Variants in CNTNAP2 observed in about 807,000 individuals in gnomAD.
CNTNAP2 encodes contactin-associated protein-like 2.
In CNTNAP2, 98 loss-of-function variants were observed where a neutral mutation model predicts 155.2. The observed-to-expected ratio is 0.63, with a 90% confidence interval of 0.54 to 0.75. The LOEUF is 0.75. CNTNAP2 is among the 30% of genes least tolerant of loss of function. The pLI is 0.00. For synonymous variants in CNTNAP2, 651 were observed against 631.2 expected, an observed-to-expected ratio of 1.03 and a Z score of -0.47; for missense variants, 1,727 against 1,688.1, an observed-to-expected ratio of 1.02 and a Z score of -0.40.
At chr7:146,782,724 T>A (rs2129187440) in intron 2 of CNTNAP2, among the ~76,000 whole-genome samples, 1 of 152,246 alleles carries the variant, frequency 6.6e-6, no homozygotes, top group Admixed American at 6.5e-5. Context: ...ATAAAATCAG[T>A]TATACTGTTT....
intron 9 of CNTNAP2, among the ~76,000 whole-genome samples, chr7:147,331,036 A>G (rs58801670): frequency 0.027 from 4,170 of 152,256 alleles, 214 homozygotes; most frequent in African/African-American, 0.096. Flanking sequence ...TAAACTGCTC[A>G]TACAACTAGG....
At chr7:146,587,086 A>C (rs533333098) in intron 1 of CNTNAP2, among the ~76,000 whole-genome samples, 1 of 152,026 alleles carries the variant, frequency 6.6e-6, no homozygotes, top group South Asian at 2.1e-4. Context: ...TTACATTTTA[A>C]AGTCATATGA....
At chr7:146,506,949 C>A (rs765487492) in intron 1 of CNTNAP2, among the ~76,000 whole-genome samples, 3 of 152,104 alleles carry the variant, frequency 2.0e-5, no homozygotes, top group Non-Finnish European at 4.4e-5. Flanking sequence ...TGTTTAGGGG[C>A]GCCTCAGGCT....
chr7:147,775,310 A>AAT (rs1162945690), intron 13 of CNTNAP2, among the ~76,000 whole-genome samples: 7 of 47,584 alleles, frequency 1.5e-4, no homozygotes, highest in South Asian at 1.2e-3. Context: ...TATATTTATA[A>AAT]ATATATATAT....
intron 22 of CNTNAP2, among the ~76,000 whole-genome samples, chr7:148,396,025 A>C (rs1179101777): frequency 6.6e-6 from 1 of 151,486 alleles, no homozygotes; most frequent in South Asian, 2.1e-4. Context: ...CCCCCACCCC[A>C]CCTGGCATGG....
At chr7:146,126,216 T>G (rs1725714722) in intron 1 of CNTNAP2, among the ~76,000 whole-genome samples, 1 of 152,188 alleles carries the variant, frequency 6.6e-6, no homozygotes, top group Non-Finnish European at 1.5e-5. Context: ...ACTAAGAAGT[T>G]TCAGCTTACA....
chr7:146,947,855 A>G (rs1253586819), intron 3 of CNTNAP2, among the ~76,000 whole-genome samples: 1 of 151,972 alleles, frequency 6.6e-6, no homozygotes, highest in African/African-American at 2.4e-5. Context: ...ACAGCGAGCT[A>G]TAATGGTGCC....
chr7:147,925,277 C>T (rs2116788671), intron 14 of CNTNAP2, among the ~76,000 whole-genome samples: 1 of 127,538 alleles, frequency 7.8e-6, no homozygotes, highest in South Asian at 2.7e-4. Flanking sequence ...CAGACAAACA[C>T]ACACAAGCGC....
Position 146,701,216 on chromosome 7 carries a change from G to A in CNTNAP2, c.98-73055G>A, listed in dbSNP as rs550384176. On this transcript the variant is annotated intron_variant, in intron 1 of 23. Coordinates refer to ENST00000361727, the MANE Select transcript of CNTNAP2 (RefSeq NM_014141.6). ...TGTTCTGCTGGCCTGCTTCAGTAAG[G>A]CTCTAAACATTATTAAAATATTTCT... 6.6e-5 allele frequency among the ~76,000 whole-genome samples: 10 copies of A among 152,246 alleles called. No homozygotes were observed. The East Asian group carries it at 1.7e-3, about 26-fold the overall frequency.
chr7:147,947,245 C>T (rs895202424), intron 14 of CNTNAP2, among the ~76,000 whole-genome samples: 2 of 152,052 alleles, frequency 1.3e-5, no homozygotes, highest in South Asian at 4.2e-4. Flanking sequence ...GTTAATCTTT[C>T]CTGGTTGTTT....
chr7:146,939,105 C>G (rs987225155), intron 3 of CNTNAP2, among the ~76,000 whole-genome samples: 1 of 152,048 alleles, frequency 6.6e-6, no homozygotes, highest in African/African-American at 2.4e-5. Context: ...GAAAACTTAA[C>G]AAATGCTAGG....
chr7:147,353,127 A>ATACATATACGTATATGTATATATACC (rs1795998757), intron 9 of CNTNAP2, among the ~76,000 whole-genome samples: 1 of 151,758 alleles, frequency 6.6e-6, no homozygotes, highest in African/African-American at 2.4e-5. Flanking sequence ...GTATATATAC[A>ATACATATACGTATATGTATATATACC]TACATATACG....
At chr7:146,730,531 A>G (rs371794119) in intron 1 of CNTNAP2, among the ~76,000 whole-genome samples, 2 of 152,214 alleles carry the variant, frequency 1.3e-5, no homozygotes, top group Non-Finnish European at 2.9e-5. Context: ...GTTGAATTAC[A>G]TAATCTCTAC....
At chr7:147,923,638 G>A (rs556772743) in intron 14 of CNTNAP2, among the ~76,000 whole-genome samples, 27 of 150,956 alleles carry the variant, frequency 1.8e-4, no homozygotes, top group African/African-American at 4.6e-4. Context: ...CTCAGCCTCC[G>A]AAGTAGCTAG....
chr7:148,325,924 G>A (rs1797877202), intron 21 of CNTNAP2, among the ~76,000 whole-genome samples: 3 of 152,286 alleles, frequency 2.0e-5, no homozygotes, highest in Non-Finnish European at 2.9e-5. Context: ...GATGCCATGT[G>A]TCTGCTAGTA....
chr7:148,117,223 G>C (rs1423890271), intron 15 of CNTNAP2, among the ~76,000 whole-genome samples: 2 of 152,176 alleles, frequency 1.3e-5, no homozygotes, highest in African/African-American at 4.8e-5. Flanking sequence ...TTCTCCAAGA[G>C]CTCAAGGACA....
At chr7:148,167,968 T>C (rs961775157) in intron 17 of CNTNAP2, among the ~76,000 whole-genome samples, 12 of 152,230 alleles carry the variant, frequency 7.9e-5, no homozygotes, top group African/African-American at 2.2e-4. Flanking sequence ...CTTAATGATA[T>C]AATAAAAATA....
chr7:146,906,582 G>C (rs962103252), intron 3 of CNTNAP2, among the ~76,000 whole-genome samples: 190 of 152,140 alleles, frequency 1.2e-3, no homozygotes, highest in South Asian at 5.0e-3. Context: ...CAGACCTGCA[G>C]CTGAGGGTCC....
intron 13 of CNTNAP2, among the ~76,000 whole-genome samples, chr7:147,825,798 T>C (rs995102793): frequency 6.6e-6 from 1 of 151,926 alleles, no homozygotes; most frequent in Non-Finnish European, 1.5e-5. Context: ...GCTCTGACAG[T>C]TGGAGGGCAA....
Sources: gnomAD v4.1 joint callset for allele counts (sites outside exome capture counted in the v4.1 genomes callset) on GRCh38, gnomAD v4.1.1 for gene constraint, MANE v1.5 for transcripts, NCBI Gene and HGNC (gene_info 2026-07-23, HGNC 2026-07-21) for gene names.